The following DTNB variants were observed in gnomAD, a reference collection of about 807,000 sequenced individuals.
DTNB encodes DTN-B.
In DTNB, 63 loss-of-function variants were observed where a neutral mutation model predicts 90.7. The observed-to-expected ratio is 0.69, with a 90% CI of 0.57 to 0.86. The LOEUF is 0.86. DTNB is among the 40% of genes least tolerant of loss of function. DTNB has a pLI of 0.00. For missense variants in DTNB, 744 were observed against 807.1 expected (o/e 0.92, Z 0.95); for synonymous variants, 277 against 286.7 (o/e 0.97, Z 0.34).
intron 8 of DTNB, among the ~76,000 whole-genome samples, chr2:25,532,136 C>T (rs1284898097): frequency 6.7e-6 from 1 of 150,338 alleles, no homozygotes; most frequent in African/African-American, 2.5e-5. Flanking sequence ...ATCCGTGCTA[C>T]ATGGGAACTG....
chr2:25,503,710 C>T (rs568972167), intron 9 of DTNB, among the ~76,000 whole-genome samples: 51 of 149,960 alleles, frequency 3.4e-4, no homozygotes, highest in Admixed American at 1.5e-3. Context: ...GTCAGGAGAT[C>T]GAGACCATCC....
chr2:25,444,803 C>A (rs768002736), intron 12 of DTNB, among the ~76,000 whole-genome samples: 1 of 152,128 alleles, frequency 6.6e-6, no homozygotes, highest in Non-Finnish European at 1.5e-5. Flanking sequence ...TAAATTCTTT[C>A]GAGCACTACA....
At chr2:25,488,032 T>C (rs898050066) in intron 9 of DTNB, among the ~76,000 whole-genome samples, 6 of 152,182 alleles carry the variant, frequency 3.9e-5, no homozygotes, top group Admixed American at 6.5e-5. Context: ...TCTGAAAAGC[T>C]TTCTGTAAGA....
chr2:25,482,793 T>C lies in DTNB; in HGVS notation c.1079+3A>G, dbSNP rs756810355. ...CCAAGTCGAAGGCACAAGACATACGTACCTCTTGGTGGGAGTGGGCACTCC... is the reference window on the plus strand; with the variant it reads ...CCAAGTCGAAGGCACAAGACATACGCACCTCTTGGTGGGAGTGGGCACTCC... On this transcript the variant is annotated splice_donor_region_variant and intron_variant, in intron 10 of 20. Coordinates refer to ENST00000406818, the MANE Select transcript of DTNB (RefSeq NM_021907.5). 6 of 1,613,640 alleles carry C rather than the reference T, an allele frequency of 3.7e-6. No individual in the cohort carries two copies. Among genetic ancestry groups the C allele is most frequent in the Non-Finnish European group, 5.1e-6 (6 of 1,179,794 alleles).
rs1574196413 is a variant in DTNB, at chr2:25,662,681, A to AAACAC, written c.-1-10021_-1-10020insGTGTT. Among the ~76,000 whole-genome samples the AAACAC allele has an allele frequency of 3.5e-4, 37 of 104,528 alleles. 1 individual carries two copies. The highest frequency in any genetic ancestry group is 1.3e-3 in the South Asian group (4 of 3,138). The allele number at this position is 104,528 out of a possible 152,430, so 68.6% of individuals were successfully genotyped here. A position where few individuals can be genotyped will look rare whatever the true frequency, so the allele number is the denominator to read the frequency against. On this transcript the variant is annotated intron_variant, in intron 1 of 20. Transcript: ENST00000406818. ...ACACACACACACACACACACACACA[A>AAACAC]ACACACACACACACACACACACACA...
At chr2:25,433,028 C>T (rs1451838336) in intron 13 of DTNB, 29 bp from the exon 14 acceptor site, 3 of 1,561,864 alleles carry the variant, frequency 1.9e-6, no homozygotes, top group Admixed American at 1.9e-5. Flanking sequence ...CGGAAAGGGG[C>T]TGCACAGTGC....
At chr2:25,504,537 CA>C (rs1250022592) in intron 9 of DTNB, among the ~76,000 whole-genome samples, 2 of 116,758 alleles carry the variant, frequency 1.7e-5, no homozygotes, top group Non-Finnish European at 3.4e-5. Context: ...GAAGGAAAGG[CA>C]AGAAAGAAGG....
chr2:25,621,229 T>C (rs1476173234), intron 4 of DTNB, among the ~76,000 whole-genome samples: 1 of 152,202 alleles, frequency 6.6e-6, no homozygotes, highest in South Asian at 2.1e-4. Context: ...AAATCACTAA[T>C]GAAGAAGACT....
chr2:25,469,867 C>T (rs1197826109), intron 10 of DTNB, among the ~76,000 whole-genome samples: 1 of 152,080 alleles, frequency 6.6e-6, no homozygotes, highest in East Asian at 1.9e-4. Context: ...AAAAAGCAGA[C>T]CAGAGTGAGG....
intron 8 of DTNB, among the ~76,000 whole-genome samples, chr2:25,567,970 C>A (rs928901296): frequency 5.9e-5 from 9 of 152,206 alleles, no homozygotes; most frequent in Non-Finnish European, 1.3e-4. Flanking sequence ...ACCATCCTGG[C>A]CAACATGGTG....
intron 1 of DTNB, among the ~76,000 whole-genome samples, chr2:25,663,987 A>T (rs1405178312): frequency 6.6e-6 from 1 of 152,192 alleles, no homozygotes; most frequent in Non-Finnish European, 1.5e-5. Context: ...CTGGATTATG[A>T]CTGACAATCA....
intron 8 of DTNB, among the ~76,000 whole-genome samples, chr2:25,559,236 G>A (rs1360128966): frequency 6.6e-6 from 1 of 152,098 alleles, no homozygotes; most frequent in African/African-American, 2.4e-5. Flanking sequence ...TGTCTTCATA[G>A]TCCAGCATCG....
chr2:25,650,975 T>C (rs66954180), intron 2 of DTNB, among the ~76,000 whole-genome samples: 1 of 83,306 alleles, frequency 1.2e-5, no homozygotes, highest in African/African-American at 3.3e-5. Context: ...AAAAAAAAAA[T>C]AATAATAATA....
At chr2:25,438,294 AAAAT>A (rs935992723) in intron 12 of DTNB, among the ~76,000 whole-genome samples, 12 of 152,236 alleles carry the variant, frequency 7.9e-5, no homozygotes, top group South Asian at 2.1e-4. Context: ...TGATGAGCTA[AAAAT>A]AAATAAATAA....
intron 3 of DTNB, among the ~76,000 whole-genome samples, chr2:25,631,211 G>A (rs1376710505): frequency 1.3e-5 from 2 of 152,178 alleles, no homozygotes; most frequent in African/African-American, 2.4e-5. Context: ...TATAGTATAT[G>A]AATTTTATGT....
chr2:25,436,703 A>G (rs1361098473), intron 12 of DTNB, among the ~76,000 whole-genome samples: 1 of 152,044 alleles, frequency 6.6e-6, no homozygotes. Context: ...TACTGAGTAA[A>G]TTTTCTATAT....
rs758346729 is a variant in DTNB, at chr2:25,387,150, T to A, written c.1825+139A>T. On this transcript the variant is annotated intron_variant, in intron 18 of 20. Transcript: ENST00000406818. The surrounding 1 kb of genome is among the most constrained non-coding windows in gnomAD (Gnocchi z 4.5). ...CTCTGGGTGGAGACATCCAGTGTGT[T>A]CCTAGAAGGCAAAGTTAGGTGATGA... 2 of 734,648 alleles carry A rather than the reference T, an allele frequency of 2.7e-6. No individual in the cohort carries two copies. Among genetic ancestry groups the A allele is most frequent in the Admixed American group, 2.5e-5 (1 of 40,404 alleles). 45.5% of individuals were successfully genotyped at this position (734,648 alleles called of 1,614,324 possible). A position where few individuals can be genotyped will look rare whatever the true frequency, so the allele number is the denominator to read the frequency against.
At chr2:25,403,873 C>T (rs1446123034) in intron 16 of DTNB, among the ~76,000 whole-genome samples, 1 of 152,168 alleles carries the variant, frequency 6.6e-6, no homozygotes, top group Admixed American at 6.5e-5. Flanking sequence ...CTCAAGCAAT[C>T]CTCCCACATC....
At chr2:25,606,179 T>C (rs1416616829) in intron 5 of DTNB, among the ~76,000 whole-genome samples, 1 of 129,326 alleles carries the variant, frequency 7.7e-6, no homozygotes, top group Non-Finnish European at 1.6e-5. Context: ...CAAACCTCTG[T>C]ATCTTTCAAT....
Sources: gnomAD v4.1 joint callset for allele counts (sites outside exome capture counted in the v4.1 genomes callset) on GRCh38, gnomAD v4.1.1 for gene constraint, Gnocchi (gnomAD v3.1) non-coding constraint, MANE v1.5 for transcripts, NCBI Gene and HGNC (gene_info 2026-07-23, HGNC 2026-07-21) for gene names.